The following MDGA1 variants were observed in gnomAD, a reference collection of about 807,000 sequenced individuals.
MDGA1 encodes the protein MAM domain-containing glycosylphosphatidylinositol anchor protein 1.
A neutral mutation model predicts 101.5 loss-of-function variants in MDGA1; 54 were observed. That is an observed-to-expected ratio of 0.53 (90% CI 0.43 to 0.67). The LOEUF is 0.67. Among genes scored for constraint, MDGA1 ranks in the 30% least tolerant of loss-of-function variants. The pLI, the probability that MDGA1 is intolerant of heterozygous loss-of-function variation, is 0.00. For missense variants in MDGA1, 1,083 were observed against 1,323.8 expected (o/e 0.82, Z 2.82); for synonymous variants, 533 against 558.3 (o/e 0.95, Z 0.64).
At chr6:37,640,932 T>C (rs902194921) in intron 14 of MDGA1, among the ~76,000 whole-genome samples, 4 of 152,066 alleles carry the variant, frequency 2.6e-5, no homozygotes, top group Non-Finnish European at 5.9e-5. Context: ...CCAGGGTGAG[T>C]ACCTCCTGTT....
At chr6:37,687,764 A>T (rs776399266) in intron 1 of MDGA1, among the ~76,000 whole-genome samples, 1 of 152,064 alleles carries the variant, frequency 6.6e-6, no homozygotes, top group Non-Finnish European at 1.5e-5. Context: ...GAGCCACAGC[A>T]CCTGGCCTCA....
Position 37,643,794 on chromosome 6 carries a change from G to A in MDGA1, c.2536+15C>T. On this transcript the variant is annotated intron_variant, in intron 14 of 16. Coordinates refer to ENST00000434837, the MANE Select transcript of MDGA1 (RefSeq NM_153487.4). ...AGCACACACTTGGTGGAGACTACCT[G>A]GCCCCCCAACTCACCGATGTGTTTC... 6.2e-7 allele frequency: 1 copy of A among 1,613,674 alleles called. No individual in the cohort carries two copies. Among genetic ancestry groups the A allele is most frequent in the Non-Finnish European group, 8.5e-7 (1 of 1,179,704 alleles).
At position 37,638,237 on chromosome 6, in the gene MDGA1, T is replaced by C; in HGVS notation, c.2744A>G (p.Glu915Gly). 1 of 1,612,432 alleles carries C rather than the reference T, an allele frequency of 6.2e-7. No individual in the cohort carries two copies. Among genetic ancestry groups the C allele is most frequent in the Non-Finnish European group, 8.5e-7 (1 of 1,179,468 alleles). ...AIDDVTLKKG[E>G]CPRKQTDPNK... ...GGGATCCGTCTGCTTCCGGGGACAC[T>C]CCCCCTTCTTCAGTGTGACGTCATC... The change falls in exon 16 of 17, where the codon GAG (glutamate) becomes GGG (glycine). Residue 915 changes from glutamate (E) to glycine (G), a missense_variant. Transcript: ENST00000434837. This position sits in a 1 kb window ranked among gnomAD's most constrained non-coding sequence, Gnocchi z 4.8.
In MDGA1 at chr6:37,664,002, G is replaced by A. The variant is rs575798585; in HGVS notation, c.172C>T (p.Leu58=). 13 of 1,613,984 alleles carry A rather than the reference G, an allele frequency of 8.1e-6. No individual in the cohort carries two copies. In the East Asian group the frequency reaches 2.5e-4, roughly 30 times the overall value. ...YTIREGDTLM[L]QCLVTGHPRP... is the part of the protein sequence containing the mutation. ...GGGTGCCCTGTTACAAGGCACTGCA[G>A]CATGAGGGTGTCCCCCTCCCGGATG... The change falls in exon 2 of 17, where the codon CTG becomes TTG. Residue 58 remains leucine (L), a synonymous_variant. Transcript: ENST00000434837.
rs531519780 is a variant in MDGA1 at position 37,696,454 on chromosome 6, G to A, written c.67+291C>T. 2.3e-4 allele frequency among the ~76,000 whole-genome samples: 35 copies of A among 152,300 alleles called. No individual in the cohort carries two copies. Among genetic ancestry groups the A allele is most frequent in the Admixed American group, 2.1e-3 (32 of 15,302 alleles). On this transcript the variant is annotated intron_variant, in intron 1 of 16. Coordinates refer to ENST00000434837, the MANE Select transcript of MDGA1 (RefSeq NM_153487.4). The surrounding 1 kb of genome is among the most constrained non-coding windows in gnomAD (Gnocchi z 5.6). ...TAGACTGGGTCTGTCCGGGTCTCCCGAGCCGACCGGGTGCTCTCAAGGGTT... is the reference window on the plus strand; with the variant it reads ...TAGACTGGGTCTGTCCGGGTCTCCCAAGCCGACCGGGTGCTCTCAAGGGTT...
rs35308269 is a variant in MDGA1, at chr6:37,642,147, G to GTATATATATA, written c.2536+1652_2536+1661dup. 6.4e-3 allele frequency among the ~76,000 whole-genome samples: 868 copies of GTATATATATA among 135,362 alleles called. 8 individuals are homozygous for GTATATATATA. Among genetic ancestry groups the GTATATATATA allele is most frequent in the South Asian group, 0.02 (88 of 4,392 alleles). The allele number at this position is 135,362 out of a possible 152,430, so 88.8% of individuals were successfully genotyped here. A position where few individuals can be genotyped will look rare whatever the true frequency, so the allele number is the denominator to read the frequency against. ...ATGGGAGGAAATAGATTATATATATGTATATATATATATATATGTACTGGT... is the reference window on the plus strand; with the variant it reads ...ATGGGAGGAAATAGATTATATATATGTATATATATATATATATATATATATATGTACTGGT... On this transcript the variant is annotated intron_variant, in intron 14 of 16. Transcript: ENST00000434837.
At chr6:37,684,397 A>G (rs1489573742) in intron 1 of MDGA1, among the ~76,000 whole-genome samples, 1 of 152,192 alleles carries the variant, frequency 6.6e-6, no homozygotes, top group African/African-American at 2.4e-5. Context: ...TCTGGATGCA[A>G]TGAGGTCTGA....
chr6:37,691,892 C>T (rs1306719836), intron 1 of MDGA1, among the ~76,000 whole-genome samples: 1 of 152,216 alleles, frequency 6.6e-6, no homozygotes, highest in Non-Finnish European at 1.5e-5. Context: ...ATTCCCCTTG[C>T]CACAGCCTTA....
At chr6:37,669,947 A>C (rs1387463626) in intron 1 of MDGA1, among the ~76,000 whole-genome samples, 1 of 152,210 alleles carries the variant, frequency 6.6e-6, no homozygotes, top group African/African-American at 2.4e-5. Context: ...TGATGACTCG[A>C]AAACAGGGAG....
At chr6:37,651,146 G>A (rs552997074) in intron 7 of MDGA1, among the ~76,000 whole-genome samples, 77 of 152,354 alleles carry the variant, frequency 5.1e-4, no homozygotes, top group African/African-American at 1.7e-3. Context: ...AGCCCTGACT[G>A]CTCACCAGCA....
In MDGA1 at chr6:37,667,853, A is replaced by G. The variant is rs115358834; in HGVS notation, c.68-3747T>C. ...GAGCACAGCTAGCACAGGCCAGGGA[A>G]GATGAAGCCTGACCAGCAGACACAG... is the stretch of plus-strand genomic sequence containing the variant. On this transcript the variant is annotated intron_variant, in intron 1 of 16. Transcript: ENST00000434837. Among the ~76,000 whole-genome samples the G allele has an allele frequency of 7.4e-3, 1,121 of 152,324 alleles. 15 individuals are homozygous for G. Among genetic ancestry groups the G allele is most frequent in the African/African-American group, 0.026 (1,062 of 41,584 alleles).
At chr6:37,665,738 G>A (rs1761734803) in intron 1 of MDGA1, among the ~76,000 whole-genome samples, 1 of 152,204 alleles carries the variant, frequency 6.6e-6, no homozygotes, top group South Asian at 2.1e-4. Flanking sequence ...CCCACTAAGT[G>A]CCTTTGTGTC....
At chr6:37,648,659 A>G (rs1761273227) in intron 9 of MDGA1, 2 of 412,986 alleles carry the variant, frequency 4.8e-6, no homozygotes, top group Non-Finnish European at 8.6e-6. Context: ...CTGAGCTGTA[A>G]TGGGCGGGGC....
intron 1 of MDGA1, among the ~76,000 whole-genome samples, chr6:37,687,400 T>TAAAAA (rs549945070): frequency 0.032 from 4,088 of 128,746 alleles, 86 homozygotes; most frequent in East Asian, 0.053. Flanking sequence ...TACTAAAAAT[T>TAAAAA]AAAAAAAAAA....
chr6:37,670,520 T>C (rs73415404), intron 1 of MDGA1, among the ~76,000 whole-genome samples: 8,910 of 151,554 alleles, frequency 0.059, 331 homozygotes, highest in East Asian at 0.11. Flanking sequence ...AGTTTTCTCA[T>C]TTGCAAAATG....
In MDGA1 at chr6:37,654,990, A is replaced by G. The variant is rs566395930; in HGVS notation, c.580-58T>C. The G allele has an allele frequency of 5.0e-6, 8 of 1,593,362 alleles. No individual in the cohort carries two copies. In the South Asian group the frequency reaches 7.8e-5, roughly 16 times the overall value. On this transcript the variant is annotated intron_variant, in intron 4 of 16. Coordinates refer to ENST00000434837, the MANE Select transcript of MDGA1 (RefSeq NM_153487.4). ...CTGCTTGAGTCTCCAGGGATCCCGC[A>G]TACTCATTCACCCAGCACCAGAGCC...
At chr6:37,647,123 G>T in intron 10 of MDGA1, 50 bp downstream of exon 10, 1 of 1,522,494 alleles carries the variant, frequency 6.6e-7, no homozygotes, top group East Asian at 2.4e-5. Flanking sequence ...TCCAGGGTCA[G>T]CCACACCACA....
In MDGA1 at chr6:37,638,809, G is replaced by T; in HGVS notation, c.2537-142C>A. 9.1e-7 allele frequency: 1 copy of T among 1,094,936 alleles called. No homozygotes were observed. 67.8% of individuals were successfully genotyped at this position (1,094,936 alleles called of 1,614,324 possible). A position where few individuals can be genotyped will look rare whatever the true frequency, so the allele number is the denominator to read the frequency against. ...ACCTCCTCCCCATGCCCAGCTGGGT[G>T]CAATGTCCCATTCCTGCAGGGACAC... On this transcript the variant is annotated intron_variant, in intron 14 of 16. Transcript: ENST00000434837. The surrounding 1 kb of genome is among the most constrained non-coding windows in gnomAD (Gnocchi z 4.8).
intron 14 of MDGA1, among the ~76,000 whole-genome samples, chr6:37,640,814 C>T (rs1764055496): frequency 1.3e-5 from 2 of 152,044 alleles, no homozygotes; most frequent in Admixed American, 1.3e-4. Flanking sequence ...AGGCTAGATC[C>T]CAGGGGAATG....
Sources: allele counts gnomAD v4.1 joint callset (sites outside exome capture counted in the v4.1 genomes callset), GRCh38; gene constraint gnomAD v4.1.1; non-coding constraint Gnocchi (gnomAD v3.1); transcripts MANE v1.5; gene names NCBI Gene and HGNC (gene_info 2026-07-23, HGNC 2026-07-21).